Variants in UNC5D observed in about 807,000 individuals in gnomAD.
UNC5D encodes the protein netrin receptor UNC5D.
UNC5D carries 39 observed loss-of-function variants against 105.4 expected under a neutral mutation model. The observed-to-expected ratio is 0.37, with a 90% CI of 0.29 to 0.48. The LOEUF (loss-of-function observed/expected upper bound fraction) is 0.48, where lower values mean the gene tolerates loss of function less well. Ranked by LOEUF, UNC5D falls within the 20% of genes least tolerant of loss-of-function variation. The pLI is 0.98. For missense variants in UNC5D, 991 were observed against 1,202.4 expected (o/e 0.82, Z 2.60); for synonymous variants, 452 against 450.4 (o/e 1.00, Z -0.04).
intron 3 of UNC5D, among the ~76,000 whole-genome samples, chr8:35,576,439 G>A (rs975715939): frequency 2.0e-5 from 3 of 152,172 alleles, no homozygotes; most frequent in Non-Finnish European, 4.4e-5. Context: ...GGCACATTTG[G>A]GGTTGAGCTA....
At chr8:35,264,662 G>A (rs1433293775) in intron 1 of UNC5D, among the ~76,000 whole-genome samples, 7 of 151,800 alleles carry the variant, frequency 4.6e-5, no homozygotes, top group African/African-American at 1.2e-4. Flanking sequence ...CCCCGGAGGC[G>A]GAGGTTGCAG....
Position 35,759,514 on chromosome 8 carries a change from C to G in UNC5D, c.2313+45C>G, listed in dbSNP as rs144176178. 1.9e-6 allele frequency: 3 copies of G among 1,586,120 alleles called. No individual in the cohort carries two copies. In the Admixed American group the frequency reaches 5.6e-5, roughly 30 times the overall value. On this transcript the variant is annotated intron_variant, in intron 14 of 16. Transcript: ENST00000404895. ...CTAACAGAAACGGCTTTGCTTTAACCGGCAAGCATGTCACAGATCCTGGCA... is the reference window on the plus strand; with the variant it reads ...CTAACAGAAACGGCTTTGCTTTAACGGGCAAGCATGTCACAGATCCTGGCA...
intron 4 of UNC5D, among the ~76,000 whole-genome samples, chr8:35,662,524 G>A (rs1209206135): frequency 6.6e-6 from 1 of 152,136 alleles, no homozygotes; most frequent in African/African-American, 2.4e-5. Context: ...ACACTGTCAG[G>A]GAAAGGGAAA....
chr8:35,519,996 G>A (rs909687328), intron 1 of UNC5D, among the ~76,000 whole-genome samples: 1 of 152,076 alleles, frequency 6.6e-6, no homozygotes, highest in Non-Finnish European at 1.5e-5. Flanking sequence ...CACTTTGGAA[G>A]AGACTTTGGC....
At chr8:35,655,328 A>G (rs1203683949) in intron 4 of UNC5D, among the ~76,000 whole-genome samples, 1 of 152,114 alleles carries the variant, frequency 6.6e-6, no homozygotes, top group African/African-American at 2.4e-5. Flanking sequence ...TATAACAAGT[A>G]TTTGCACACA....
intron 1 of UNC5D, among the ~76,000 whole-genome samples, chr8:35,249,720 C>T (rs141938697): frequency 3.3e-5 from 5 of 152,016 alleles, no homozygotes; most frequent in Admixed American, 2.0e-4. Context: ...CTGTATAGAG[C>T]TTATGAAACT....
chr8:35,510,485 C>T (rs993492725), intron 1 of UNC5D, among the ~76,000 whole-genome samples: 2 of 152,134 alleles, frequency 1.3e-5, no homozygotes, highest in African/African-American at 4.8e-5. Context: ...TCAGTTATCA[C>T]CTGCTGCCTC....
intron 1 of UNC5D, among the ~76,000 whole-genome samples, chr8:35,429,958 G>C (rs1233919868): frequency 6.6e-6 from 1 of 152,210 alleles, no homozygotes; most frequent in African/African-American, 2.4e-5. Flanking sequence ...TTTGACTAAT[G>C]TGATATTGTG....
chr8:35,351,390 A>G lies in UNC5D; in HGVS notation c.103+115503A>G, dbSNP rs554250723. ...AGTATTTAAAGCAACTGAACTCAGAATATAAAATATATCTATACATTTAGA... is the reference window on the plus strand; with the variant it reads ...AGTATTTAAAGCAACTGAACTCAGAGTATAAAATATATCTATACATTTAGA... On this transcript the variant is annotated intron_variant, in intron 1 of 16. Transcript: ENST00000404895. Among the ~76,000 whole-genome samples, 138 of 152,248 alleles carry G rather than the reference A, an allele frequency of 9.1e-4. 1 individual carries two copies. Among genetic ancestry groups the G allele is most frequent in the African/African-American group, 3.2e-3 (135 of 41,568 alleles).
intron 10 of UNC5D, 124 bp from the exon 11 acceptor site, chr8:35,730,888 T>G: frequency 1.1e-4 from 82 of 764,476 alleles, no homozygotes; most frequent in Non-Finnish European, 1.5e-4. Flanking sequence ...TTCCAAGGAT[T>G]GAGATTTCAT....
At chr8:35,734,562 C>T (rs1829364023) in intron 11 of UNC5D, among the ~76,000 whole-genome samples, 1 of 151,858 alleles carries the variant, frequency 6.6e-6, no homozygotes, top group Non-Finnish European at 1.5e-5. Context: ...AGGCATGTGC[C>T]ACCATGCCTG....
At chr8:35,630,453 A>T (rs1215279883) in intron 4 of UNC5D, among the ~76,000 whole-genome samples, 1 of 152,166 alleles carries the variant, frequency 6.6e-6, no homozygotes, top group Non-Finnish European at 1.5e-5. Flanking sequence ...GCTATACCTG[A>T]CGTAGAGGAA....
chr8:35,528,061 T>A lies in UNC5D; in HGVS notation c.104-21231T>A, dbSNP rs924494961. Among the ~76,000 whole-genome samples, 45 of 133,636 alleles carry A rather than the reference T, an allele frequency of 3.4e-4. No individual in the cohort carries two copies. In the East Asian group the frequency reaches 7.8e-3, roughly 23 times the overall value. 87.7% of individuals were successfully genotyped at this position (133,636 alleles called of 152,430 possible). On this transcript the variant is annotated intron_variant, in intron 1 of 16. Coordinates refer to ENST00000404895, the MANE Select transcript of UNC5D (RefSeq NM_080872.4). ...CTGGTTTTTTTTTTTTTTTTTTTTT[T>A]ATACTTTAAGTTTTAGGGTACATGT...
At chr8:35,447,112 C>A (rs1228295825) in intron 1 of UNC5D, among the ~76,000 whole-genome samples, 1 of 152,012 alleles carries the variant, frequency 6.6e-6, no homozygotes, top group Non-Finnish European at 1.5e-5. Flanking sequence ...CCTGTAATAG[C>A]TTGTCTAATT....
At chr8:35,686,398 A>G in intron 6 of UNC5D, 147 bp from the exon 7 acceptor site, 1 of 842,164 alleles carries the variant, frequency 1.2e-6, no homozygotes, top group Non-Finnish European at 1.7e-6. Flanking sequence ...GAAACCATGG[A>G]GAGAAGATAA....
chr8:35,696,503 T>C (rs568769543), intron 7 of UNC5D, among the ~76,000 whole-genome samples: 1 of 152,200 alleles, frequency 6.6e-6, no homozygotes, highest in East Asian at 1.9e-4. Context: ...GAGAAAGATT[T>C]AATGTCTGAG....
chr8:35,693,774 C>T (rs577495559), intron 7 of UNC5D, among the ~76,000 whole-genome samples: 1 of 152,222 alleles, frequency 6.6e-6, no homozygotes, highest in South Asian at 2.1e-4. Context: ...TTCCACTATG[C>T]TTGCATTCTT....
intron 1 of UNC5D, chr8:35,525,758 C>T (rs920120188): frequency 8.4e-6 from 13 of 1,555,830 alleles, no homozygotes; most frequent in East Asian, 2.4e-5. Flanking sequence ...CCGGAGGAGC[C>T]GCCATCTTGG....
chr8:35,287,771 C>T (rs1472148380), intron 1 of UNC5D, among the ~76,000 whole-genome samples: 1 of 152,018 alleles, frequency 6.6e-6, no homozygotes, highest in Non-Finnish European at 1.5e-5. Flanking sequence ...TGCACCTTTG[C>T]ACTCACTGGG....
Sources: gnomAD v4.1 joint callset for allele counts (sites outside exome capture counted in the v4.1 genomes callset) on GRCh38, gnomAD v4.1.1 for gene constraint, MANE v1.5 for transcripts, NCBI Gene and HGNC (gene_info 2026-07-23, HGNC 2026-07-21) for gene names.